CLVS1: variants seen among roughly 807,000 people sequenced by gnomAD.
CLVS1 encodes the protein clavesin 1, also known as clavesin-1.
CLVS1 carries 10 observed loss-of-function variants against 33.1 expected under a neutral mutation model. That is an observed-to-expected ratio of 0.30 (90% CI 0.19 to 0.51). The LOEUF (loss-of-function observed/expected upper bound fraction) is 0.51. Among genes scored for constraint, CLVS1 ranks in the 20% least tolerant of loss-of-function variants. The pLI is 0.97. For missense variants in CLVS1, 343 were observed against 433.4 expected (o/e 0.79, Z 1.85); for synonymous variants, 163 against 166.1 (o/e 0.98, Z 0.14).
At chr8:61,044,796 G>A in the CLVS1 span, among the ~76,000 whole-genome samples, 6 of 152,194 alleles carry the variant, frequency 3.9e-5, no homozygotes, top group Non-Finnish European at 8.8e-5. Context: ...AGAGGATTAG[G>A]TAAGAATATG....
At chr8:61,397,381 A>G (rs1814568966) in intron 3 of CLVS1, among the ~76,000 whole-genome samples, 1 of 152,104 alleles carries the variant, frequency 6.6e-6, no homozygotes, top group Non-Finnish European at 1.5e-5. Flanking sequence ...TCTTGTGCCA[A>G]CTTTTAATTT....
the CLVS1 span, among the ~76,000 whole-genome samples, chr8:61,038,436 T>C: frequency 7.5e-6 from 1 of 133,460 alleles, no homozygotes; most frequent in Non-Finnish European, 1.6e-5. Context: ...TCCTGTCGTT[T>C]GTATATATAT....
chr8:61,280,311 G>A (rs1231819480), intron 2 of CLVS1, among the ~76,000 whole-genome samples: 2 of 152,178 alleles, frequency 1.3e-5, no homozygotes, highest in African/African-American at 2.4e-5. Context: ...GAAGCAACTG[G>A]TATTAGCAGG....
intron 3 of CLVS1, among the ~76,000 whole-genome samples, chr8:61,453,879 C>T (rs2279573): frequency 0.069 from 10,550 of 152,186 alleles, 441 homozygotes; most frequent in Non-Finnish European, 0.089. Context: ...GGTCATGTAA[C>T]TGTGATTTGA....
intron 2 of CLVS1, among the ~76,000 whole-genome samples, chr8:61,194,636 G>A (rs1272820619): frequency 6.6e-6 from 1 of 151,746 alleles, no homozygotes; most frequent in Admixed American, 6.6e-5. Flanking sequence ...TCTTTCAAAA[G>A]TTGATGGGAA....
chr8:60,992,617 C>G, the CLVS1 span, among the ~76,000 whole-genome samples: 3 of 152,174 alleles, frequency 2.0e-5, no homozygotes, highest in Non-Finnish European at 4.4e-5. Context: ...GATAGGGGTT[C>G]TTAGAGAGTG....
At chr8:61,224,625 C>T (rs1481913544) in intron 2 of CLVS1, among the ~76,000 whole-genome samples, 2 of 152,158 alleles carry the variant, frequency 1.3e-5, no homozygotes, top group Non-Finnish European at 2.9e-5. Context: ...TCTGACAACC[C>T]CTGTTGGGGG....
the CLVS1 span, among the ~76,000 whole-genome samples, chr8:60,992,336 T>C: frequency 6.6e-6 from 1 of 152,228 alleles, no homozygotes; most frequent in Non-Finnish European, 1.5e-5. Context: ...TAATATAGAA[T>C]GCTTAGGAGA....
chr8:61,396,761 T>G (rs991996267), intron 3 of CLVS1, among the ~76,000 whole-genome samples: 2 of 152,212 alleles, frequency 1.3e-5, no homozygotes, highest in Non-Finnish European at 2.9e-5. Context: ...TTACTGATTC[T>G]GGACATTTCG....
the CLVS1 span, among the ~76,000 whole-genome samples, chr8:61,001,366 G>GATATTTTCT: frequency 6.6e-6 from 1 of 152,164 alleles, no homozygotes; most frequent in African/African-American, 2.4e-5. Flanking sequence ...TGATGACTAA[G>GATATTTTCT]ATATTTTCTA....
intron 3 of CLVS1, among the ~76,000 whole-genome samples, chr8:61,387,630 C>T (rs1814142046): frequency 6.6e-6 from 1 of 152,084 alleles, no homozygotes; most frequent in African/African-American, 2.4e-5. Flanking sequence ...ACACAACCCC[C>T]TCCTAAACTT....
chr8:61,367,372 T>G (rs1393983535), intron 2 of CLVS1, among the ~76,000 whole-genome samples: 3 of 152,228 alleles, frequency 2.0e-5, no homozygotes, highest in African/African-American at 7.2e-5. Context: ...ATACATGGTG[T>G]CTACACGCTA....
chr8:61,343,817 C>T (rs555259371), intron 2 of CLVS1, among the ~76,000 whole-genome samples: 2 of 152,038 alleles, frequency 1.3e-5, no homozygotes, highest in East Asian at 1.9e-4. Flanking sequence ...ATCAATACCC[C>T]GATAACATCC....
intron 3 of CLVS1, among the ~76,000 whole-genome samples, chr8:61,429,711 A>G (rs1816040440): frequency 6.6e-6 from 1 of 152,234 alleles, no homozygotes; most frequent in Non-Finnish European, 1.5e-5. Flanking sequence ...TAATACTTAA[A>G]GCCTCTAATC....
At chr8:61,022,635 C>G in the CLVS1 span, among the ~76,000 whole-genome samples, 2 of 152,070 alleles carry the variant, frequency 1.3e-5, no homozygotes, top group Non-Finnish European at 2.9e-5. Flanking sequence ...TTGTTGTTTT[C>G]CAGGAAAGCT....
chr8:61,213,884 G>A (rs1808028048), intron 2 of CLVS1, among the ~76,000 whole-genome samples: 1 of 152,192 alleles, frequency 6.6e-6, no homozygotes, highest in Non-Finnish European at 1.5e-5. Context: ...TCTTTCAAAA[G>A]CAAATGGGAG....
chr8:61,144,230 G>A (rs1028088277), intron 2 of CLVS1, among the ~76,000 whole-genome samples: 9 of 152,054 alleles, frequency 5.9e-5, no homozygotes, highest in African/African-American at 2.2e-4. Context: ...GCCCCGGTGT[G>A]TGATGTTCCC....
the CLVS1 span, among the ~76,000 whole-genome samples, chr8:60,974,938 T>C: frequency 6.6e-6 from 1 of 152,170 alleles, no homozygotes; most frequent in East Asian, 1.9e-4. Context: ...GAATTGCTGA[T>C]GTCCAGGGCA....
the CLVS1 span, among the ~76,000 whole-genome samples, chr8:60,975,700 T>A: frequency 1.3e-5 from 2 of 152,200 alleles, no homozygotes; most frequent in African/African-American, 4.8e-5. Flanking sequence ...TTCGTGTTAA[T>A]TTTTTATGAC....
Sources: gnomAD v4.1 joint callset for allele counts (sites outside exome capture counted in the v4.1 genomes callset) on GRCh38, gnomAD v4.1.1 for gene constraint, MANE v1.5 for transcripts, NCBI Gene and HGNC (gene_info 2026-07-23, HGNC 2026-07-21) for gene names.